Variants in DYNLT2B observed in about 807,000 individuals in gnomAD.
DYNLT2B encodes the protein dynein light chain Tctex-type 2B.
Under a neutral mutation model 19.5 loss-of-function variants are expected in DYNLT2B, and 14 were observed. The ratio of observed to expected loss-of-function variants is 0.72; its 90% CI spans 0.47 to 1.12. The LOEUF is 1.12. Ranked by LOEUF, DYNLT2B falls within the 50% of genes most tolerant of loss-of-function variation. The pLI, the probability that DYNLT2B is intolerant of heterozygous loss-of-function variation, is 0.00. For missense variants in DYNLT2B, 133 were observed against 174.7 expected, an observed-to-expected ratio of 0.76 and a Z score of 1.35; for synonymous variants, 70 against 59.7, an observed-to-expected ratio of 1.17 and a Z score of -0.79.
rs531702846 is a variant in DYNLT2B, at chr3:196,299,586, A to G, written c.318-3517T>C. On this transcript the variant is annotated intron_variant, in intron 3 of 4. Transcript: ENST00000325318. The stretch of plus-strand genomic sequence containing the variant: ...GATTCTGGAGGGAAGATCCCATAAA[A>G]AAGGAGAAAGTAGAACTGAGCGTAT... Among the ~76,000 whole-genome samples, 10 of 152,212 alleles carry G rather than the reference A, an allele frequency of 6.6e-5. No individual in the cohort carries two copies. In the East Asian group the frequency reaches 1.9e-3, roughly 30 times the overall value.
Position 196,318,042 on chromosome 3 carries a change from C to G in DYNLT2B, c.111G>C (p.Gln37His). The G allele has an allele frequency of 6.6e-7, 1 of 1,526,664 alleles. No individual in the cohort carries two copies. Among genetic ancestry groups the G allele is most frequent in the Non-Finnish European group, 8.8e-7 (1 of 1,138,304 alleles). The allele number at this position is 1,526,664 out of a possible 1,614,324, so 94.6% of individuals were successfully genotyped here. ...NTYILRPVFQ[Q>H]RFRPSVVKDC... is the part of the protein sequence containing the mutation. ...GCCACAGCCCGTCCTCTACCCGCCT[C>G]TGCTGGAAAACAGGCCGCAGAATAT... The change falls in exon 1 of 5, where the codon CAG (glutamine) becomes CAC (histidine). Residue 37 changes from glutamine to histidine, a missense_variant and splice_region_variant. By Grantham distance (24) the Gln-to-His change is conservative. Coordinates refer to ENST00000325318, the MANE Select transcript of DYNLT2B (RefSeq NM_152773.5).
Position 196,317,051 on chromosome 3 carries a change from G to GGT in DYNLT2B, c.114-822_114-821dup, listed in dbSNP as rs759135970. Reference sequence around the variant, plus strand: ...GTGTGTGTGTGTGTGTGTGTTGTGTGGTGTGTGTGTGGTGTGTGTGTGTGT... The same window carrying GGT: ...GTGTGTGTGTGTGTGTGTGTTGTGTGGTGTGTGTGTGTGGTGTGTGTGTGTGT... On this transcript the variant is annotated intron_variant, in intron 1 of 4. Transcript: ENST00000325318. Among the ~76,000 whole-genome samples, 147 of 70,002 alleles carry GGT rather than the reference G, an allele frequency of 2.1e-3. 6 individuals carry two copies. The highest frequency in any genetic ancestry group is 6.7e-3 in the African/African-American group (142 of 21,108). 45.9% of individuals were successfully genotyped at this position (70,002 alleles called of 152,430 possible). A position where few individuals can be genotyped will look rare whatever the true frequency, so the allele number is the denominator to read the frequency against.
chr3:196,315,112 A>G (rs893968066), intron 2 of DYNLT2B, among the ~76,000 whole-genome samples: 6 of 152,054 alleles, frequency 3.9e-5, no homozygotes, highest in Non-Finnish European at 7.4e-5. Context: ...TCACATCTTC[A>G]CTCTTTTCCC....
At chr3:196,295,061 A>T (rs1415644034) in intron 4 of DYNLT2B, among the ~76,000 whole-genome samples, 2 of 151,908 alleles carry the variant, frequency 1.3e-5, no homozygotes, top group East Asian at 3.9e-4. Context: ...TAATTTACTC[A>T]ATCTAGTTTC....
chr3:196,311,475 C>CA (rs962383860), intron 2 of DYNLT2B, among the ~76,000 whole-genome samples: 25 of 150,650 alleles, frequency 1.7e-4, no homozygotes, highest in Admixed American at 1.3e-3. Flanking sequence ...GATGGCTCAA[C>CA]ATAACAATAT....
At chr3:196,309,476 G>A (rs1479157362) in intron 2 of DYNLT2B, among the ~76,000 whole-genome samples, 1 of 151,682 alleles carries the variant, frequency 6.6e-6, no homozygotes, top group African/African-American at 2.4e-5. Context: ...TGTTGGTCAG[G>A]TTGTTCTCGA....
At chr3:196,317,357 G>T in intron 1 of DYNLT2B, among the ~76,000 whole-genome samples, 1 of 55,436 alleles carries the variant, frequency 1.8e-5, no homozygotes. Context: ...CCGTGAGCCT[G>T]ATATTTTTTT....
intron 3 of DYNLT2B, among the ~76,000 whole-genome samples, chr3:196,299,618 G>A (rs1726301903): frequency 6.6e-6 from 1 of 151,984 alleles, no homozygotes; most frequent in South Asian, 2.1e-4. Flanking sequence ...GTATCACATG[G>A]TAGGTTTTCT....
intron 3 of DYNLT2B, among the ~76,000 whole-genome samples, chr3:196,301,256 G>A (rs1560188044): frequency 6.6e-6 from 1 of 152,144 alleles, no homozygotes; most frequent in African/African-American, 2.4e-5. Context: ...CTTTCTGGAA[G>A]AAAATAATAT....
At chr3:196,296,705 G>GA (rs999345164) in intron 3 of DYNLT2B, among the ~76,000 whole-genome samples, 1 of 152,156 alleles carries the variant, frequency 6.6e-6, no homozygotes. Flanking sequence ...TTTAAAAAAA[G>GA]AAAAAAGAAA....
chr3:196,291,606 G>A (rs1014676130), intron 4 of DYNLT2B, among the ~76,000 whole-genome samples: 4 of 152,152 alleles, frequency 2.6e-5, no homozygotes, highest in African/African-American at 9.7e-5. Context: ...AGCCTCCAGA[G>A]TAGCTAGGAC....
Position 196,306,976 on chromosome 3 carries a change from A to G in DYNLT2B, c.284T>C (p.Val95Ala), listed in dbSNP as rs749883056. ...GFDRYKMVVQ[V>A]VIGEQRGEGV... ...TTCACCTCTTTGTTCTCCAATCACT[A>G]CTTGCACCACCATTTTGTATCGGTC... Residue 95 changes from valine to alanine, a missense_variant, in exon 3 of 5, where the codon GTA becomes GCA. Physicochemically the swap from Val to Ala is moderately conservative, Grantham distance 64. Transcript: ENST00000325318. 5.0e-6 allele frequency: 8 copies of G among 1,614,032 alleles called. No individual in the cohort carries two copies. In the East Asian group the frequency reaches 1.1e-4, roughly 22 times the overall value.
At chr3:196,313,763 A>C (rs1296497636) in intron 2 of DYNLT2B, among the ~76,000 whole-genome samples, 1 of 152,180 alleles carries the variant, frequency 6.6e-6, no homozygotes, top group Non-Finnish European at 1.5e-5. Flanking sequence ...AAAAACAATA[A>C]ACACAAATAT....
chr3:196,295,119 C>T (rs1222381505), intron 4 of DYNLT2B, among the ~76,000 whole-genome samples: 5 of 152,000 alleles, frequency 3.3e-5, no homozygotes, highest in South Asian at 4.1e-4. Context: ...TGGGAGTAGA[C>T]GAATAGAGGA....
intron 2 of DYNLT2B, among the ~76,000 whole-genome samples, chr3:196,309,394 T>C (rs1012669418): frequency 1.3e-5 from 2 of 151,972 alleles, no homozygotes; most frequent in Non-Finnish European, 2.9e-5. Context: ...GACTCCCGAG[T>C]AGCTGGGATT....
chr3:196,308,266 A>G (rs1281630470), intron 2 of DYNLT2B, among the ~76,000 whole-genome samples: 12 of 152,054 alleles, frequency 7.9e-5, no homozygotes, highest in African/African-American at 2.9e-4. Flanking sequence ...CGGCCAATAA[A>G]CTGAGTCTTG....
At chr3:196,305,502 T>A (rs2108794160) in intron 3 of DYNLT2B, among the ~76,000 whole-genome samples, 1 of 151,356 alleles carries the variant, frequency 6.6e-6, no homozygotes, top group South Asian at 2.1e-4. Context: ...CAGGAAAAAA[T>A]AAATAAATAA....
At chr3:196,302,213 C>A (rs1304004141) in intron 3 of DYNLT2B, among the ~76,000 whole-genome samples, 4 of 152,098 alleles carry the variant, frequency 2.6e-5, no homozygotes, top group African/African-American at 9.7e-5. Context: ...ATACATGTAA[C>A]CTAAATCCTA....
intron 2 of DYNLT2B, among the ~76,000 whole-genome samples, chr3:196,308,678 G>A (rs1225669059): frequency 6.6e-6 from 1 of 152,198 alleles, no homozygotes; most frequent in Non-Finnish European, 1.5e-5. Context: ...CACTGTAAAC[G>A]GGACAATCTG....
Sources: gnomAD v4.1 joint callset for allele counts (sites outside exome capture counted in the v4.1 genomes callset) on GRCh38, gnomAD v4.1.1 for gene constraint, MANE v1.5 for transcripts, NCBI Gene and HGNC (gene_info 2026-07-23, HGNC 2026-07-21) for gene names.